The following TTC6 variants were observed in gnomAD, a reference collection of about 807,000 sequenced individuals.
TTC6 encodes the protein tetratricopeptide repeat domain 6, also known as tetratricopeptide repeat protein 6.
TTC6 carries 172 observed loss-of-function variants against 210.4 expected under a neutral mutation model. The observed-to-expected ratio is 0.82, with a 90% CI of 0.72 to 0.93. The LOEUF (loss-of-function observed/expected upper bound fraction) is 0.93. Ranked by LOEUF, TTC6 falls within the 40% of genes least tolerant of loss-of-function variation. TTC6 has a pLI of 0.00. For missense variants in TTC6, 2,414 were observed against 2,318.1 expected (o/e 1.04, Z -0.85); for synonymous variants, 804 against 819.6 (o/e 0.98, Z 0.32).
chr14:37,737,571 C>T, intron 8 of TTC6, 89 bp from the exon 11 acceptor site: 3 of 635,176 alleles, frequency 4.7e-6, no homozygotes, highest in Non-Finnish European at 7.4e-6. Flanking sequence ...ATTAATTTAC[C>T]TAAACAGTTA....
chr14:37,627,287 CT>C (rs893893604), intron 1 of TTC6, among the ~76,000 whole-genome samples: 4 of 148,960 alleles, frequency 2.7e-5, no homozygotes, highest in African/African-American at 4.9e-5. Flanking sequence ...TCTGGTATTT[CT>C]TTTTTTTTTA....
intron 10 of TTC6, among the ~76,000 whole-genome samples, chr14:37,745,004 A>C (rs886651554): frequency 1.3e-5 from 2 of 152,018 alleles, no homozygotes; most frequent in African/African-American, 4.8e-5. Context: ...GGATACACAC[A>C]CACACACACA....
intron 17 of TTC6, among the ~76,000 whole-genome samples, chr14:37,793,557 A>G (rs17179497): frequency 0.37 from 56,950 of 151,976 alleles, 11,421 homozygotes; most frequent in Non-Finnish European, 0.46. Context: ...GGCAGGTTCA[A>G]TGTTGCCACT....
chr14:37,639,693 A>C (rs2095687922), intron 1 of TTC6, among the ~76,000 whole-genome samples: 1 of 149,178 alleles, frequency 6.7e-6, no homozygotes, highest in Non-Finnish European at 1.5e-5. Context: ...CAACATGGCT[A>C]AATTTGTCTC....
chr14:37,703,212 T>A (rs916407178), intron 5 of TTC6, among the ~76,000 whole-genome samples: 1 of 152,064 alleles, frequency 6.6e-6, no homozygotes, highest in African/African-American at 2.4e-5. Flanking sequence ...CTTACAGCTA[T>A]AATTATTCAC....
Position 37,609,597 on chromosome 14 carries a change from T to A in TTC6, c.-155+2855T>A, listed in dbSNP as rs116671509. ...TTATCCTATGGTATGGATACCTGAG[T>A]CCTTAGTTACTGTTTTTTGATTACA... On this transcript the variant is annotated intron_variant, in intron 2 of 2. Transcript: ENST00000556845. 2.0e-3 allele frequency among the ~76,000 whole-genome samples: 298 copies of A among 152,296 alleles called. 1 individual carries two copies. The highest frequency in any genetic ancestry group is 6.9e-3 in the African/African-American group (288 of 41,558).
At chr14:37,812,516 T>G (rs2096131890) in intron 25 of TTC6, 83 bp downstream of exon 27, 1 of 1,337,564 alleles carries the variant, frequency 7.5e-7, no homozygotes, top group East Asian at 2.6e-5. Flanking sequence ...TATTATCAAC[T>G]GGCAATATTA....
chr14:37,729,434 C>T (rs1279510154), intron 7 of TTC6, among the ~76,000 whole-genome samples: 3 of 152,202 alleles, frequency 2.0e-5, no homozygotes, highest in Non-Finnish European at 2.9e-5. Flanking sequence ...CAGCTGCTGT[C>T]CCGCAGACCT....
intron 1 of TTC6, among the ~76,000 whole-genome samples, chr14:37,623,214 G>A (rs896055954): frequency 6.6e-6 from 1 of 152,158 alleles, no homozygotes; most frequent in Non-Finnish European, 1.5e-5. Context: ...TCTTTTCAAA[G>A]TGAAGGAAAC....
chr14:37,786,217 C>A (rs963220242), intron 14 of TTC6, among the ~76,000 whole-genome samples: 7 of 152,350 alleles, frequency 4.6e-5, no homozygotes, highest in African/African-American at 1.7e-4. Context: ...ATGCCCGGCC[C>A]ACAGAGGTGG....
At position 37,652,054 on chromosome 14, in the gene TTC6, G is replaced by A. The variant is rs148066638; in HGVS notation, c.940-28097G>A. Among the ~76,000 whole-genome samples the A allele has an allele frequency of 1.9e-3, 286 of 152,254 alleles. 1 individual carries two copies. The highest frequency in any genetic ancestry group is 6.3e-3 in the African/African-American group (262 of 41,540). ...CTGGTGGGCAAAAGAGTGAGAAGCC[G>A]AAGCCTTAATCCAGAAGGAAATGAA... On this transcript the variant is annotated intron_variant, in intron 1 of 30. Transcript: ENST00000553443.
At chr14:37,611,747 A>T (rs1192142832) in intron 2 of TTC6, among the ~76,000 whole-genome samples, 1 of 151,852 alleles carries the variant, frequency 6.6e-6, no homozygotes, top group African/African-American at 2.4e-5. Context: ...CATCTACCTG[A>T]CCTCTGCTGT....
At chr14:37,779,351 A>G (rs1359601122) in intron 14 of TTC6, among the ~76,000 whole-genome samples, 1 of 143,208 alleles carries the variant, frequency 7.0e-6, no homozygotes, top group African/African-American at 2.6e-5. Flanking sequence ...GTCTGTGACT[A>G]GTTGGCCTGC....
At chr14:37,738,852 G>T in exon 10 of TTC6, 1 of 1,534,764 alleles carries the variant, frequency 6.5e-7, no homozygotes, top group Non-Finnish European at 8.7e-7. Flanking sequence ...ATGCAAAGCA[G>T]TATAAAAGAG....
chr14:37,773,169 C>A (rs1000170244), intron 14 of TTC6, among the ~76,000 whole-genome samples: 6 of 151,998 alleles, frequency 3.9e-5, no homozygotes, highest in African/African-American at 1.5e-4. Context: ...GATATTAGAC[C>A]TTTGTCAGAT....
upstream of TTC6, among the ~76,000 whole-genome samples, chr14:37,619,911 G>T (rs193162282): frequency 6.6e-6 from 1 of 151,392 alleles, no homozygotes; most frequent in South Asian, 2.1e-4. Flanking sequence ...CCAGTATTTT[G>T]GGAAGACCTG....
rs35837305 is a variant in TTC6 at position 37,639,715 on chromosome 14, C to CAA, written c.939+16732_939+16733dup. ...GCTAAATTTGTCTCTACAAGAAATA[C>CAA]AAAAAAAAAAAAAAAAAAAAATTAG... is the stretch of plus-strand genomic sequence containing the variant. On this transcript the variant is annotated intron_variant, in intron 1 of 30. Transcript: ENST00000553443. Among the ~76,000 whole-genome samples, 557 of 74,172 alleles carry CAA rather than the reference C, an allele frequency of 7.5e-3. 7 individuals carry two copies. The highest frequency in any genetic ancestry group is 0.027 in the African/African-American group (522 of 19,460). 48.7% of individuals were successfully genotyped at this position (74,172 alleles called of 152,430 possible). A position where few individuals can be genotyped will look rare whatever the true frequency, so the allele number is the denominator to read the frequency against.
chr14:37,653,895 C>G (rs563987828), intron 1 of TTC6, among the ~76,000 whole-genome samples: 1 of 152,068 alleles, frequency 6.6e-6, no homozygotes. Context: ...TTATAATAGT[C>G]GGTCACAAGA....
exon 10 of TTC6, chr14:37,738,975 T>C: frequency 6.5e-7 from 1 of 1,535,356 alleles, no homozygotes; most frequent in Non-Finnish European, 8.7e-7. Context: ...TTTGATAACA[T>C]GTGCGAAAAA....
Sources: allele counts gnomAD v4.1 joint callset (sites outside exome capture counted in the v4.1 genomes callset), GRCh38; gene constraint gnomAD v4.1.1; transcripts MANE v1.5; gene names NCBI Gene and HGNC (gene_info 2026-07-23, HGNC 2026-07-21).